PKHD1L1: variants seen among roughly 807,000 people sequenced by gnomAD.
The protein encoded by PKHD1L1 is fibrocystin-L.
In PKHD1L1, 434 loss-of-function variants were observed where a neutral mutation model predicts 462.9. That is an observed-to-expected ratio of 0.94 (90% CI 0.87 to 1.02). The LOEUF (loss-of-function observed/expected upper bound fraction) is 1.02, where lower values mean the gene tolerates loss of function less well. Ranked by LOEUF, PKHD1L1 falls within the 50% of genes least tolerant of loss-of-function variation. The probability of loss-of-function intolerance (pLI) is 0.00; values close to 1 mark genes in which losing one functional copy is unlikely to be tolerated. For synonymous variants in PKHD1L1, 1,781 were observed against 1,750.0 expected, an observed-to-expected ratio of 1.02 and a Z score of -0.44; for missense variants, 5,202 against 5,096.1, an observed-to-expected ratio of 1.02 and a Z score of -0.63.
Position 109,518,212 on chromosome 8 carries a change from A to C in PKHD1L1, c.11735A>C (p.Tyr3912Ser), listed in dbSNP as rs765597606. 2 of 1,609,760 alleles carry C rather than the reference A, an allele frequency of 1.2e-6. No individual in the cohort carries two copies. The highest frequency in any genetic ancestry group is 1.7e-6 in the Non-Finnish European group (2 of 1,176,648). Residue 3912 changes from tyrosine (Y) to serine (S), a missense_variant, in exon 73 of 78, where the codon TAC (tyrosine) becomes TCC (serine). Tyr to Ser is a moderately radical substitution (Grantham distance 144). Transcript: ENST00000378402. ...GATTCCACTGTCCTTGGTGAAAACTACTTTGATGGAACCTACCAGATGCTT... is the reference window on the plus strand; with the variant it reads ...GATTCCACTGTCCTTGGTGAAAACTCCTTTGATGGAACCTACCAGATGCTT... Reference protein sequence around the residue: ...NLDSTVLGENYFDGTYQMLYL... With the variant: ...NLDSTVLGENSFDGTYQMLYL...
At chr8:109,423,887 G>A (rs921235245) in intron 23 of PKHD1L1, among the ~76,000 whole-genome samples, 1 of 152,100 alleles carries the variant, frequency 6.6e-6, no homozygotes, top group African/African-American at 2.4e-5. Flanking sequence ...ATTTATAAAC[G>A]TGTTTCATTT....
intron 76 of PKHD1L1, among the ~76,000 whole-genome samples, chr8:109,524,647 C>A (rs1820723498): frequency 6.6e-6 from 1 of 152,172 alleles, no homozygotes. Context: ...TTTACTGTGG[C>A]AACAAAATAA....
chr8:109,396,092 C>A lies in PKHD1L1; in HGVS notation c.877C>A (p.Arg293Ser), dbSNP rs536145343. The change falls in exon 11 of 78, where the codon CGT (arginine) becomes AGT (serine). Residue 293 changes from arginine to serine, a missense_variant. By Grantham distance (110) the Arg-to-Ser change is moderately radical. Around this residue, in one of 3 missense-constraint regions of PKHD1L1, gnomAD observed 4,497 missense variants for 4,336.8 expected, o/e 1.04. Transcript: ENST00000378402. ...TGGCACCACGCTGACAATAAGTGGGCGTTTCTTTGATCAGACAGATTTCCC... is the reference window on the plus strand; with the variant it reads ...TGGCACCACGCTGACAATAAGTGGGAGTTTCTTTGATCAGACAGATTTCCC... The part of the protein sequence containing the change: ...RGGTTLTISG[R>S]FFDQTDFPVR... The A allele has an allele frequency of 6.2e-6, 10 of 1,608,874 alleles. No individual in the cohort carries two copies. Among genetic ancestry groups the A allele is most frequent in the Admixed American group, 5.0e-5 (3 of 59,550 alleles).
chr8:109,410,722 T>TTTC (rs1813796937), intron 19 of PKHD1L1, among the ~76,000 whole-genome samples: 2 of 70,276 alleles, frequency 2.8e-5, no homozygotes, highest in Admixed American at 2.1e-4. Flanking sequence ...TTTCTTTTCT[T>TTTC]TTTCTTTTTT....
intron 9 of PKHD1L1, among the ~76,000 whole-genome samples, chr8:109,392,055 G>A (rs904293963): frequency 3.3e-5 from 5 of 152,148 alleles, no homozygotes; most frequent in Non-Finnish European, 5.9e-5. Context: ...TAACTTAACA[G>A]TTATTCTCCT....
At position 109,441,358 on chromosome 8, in the gene PKHD1L1, A is replaced by G; in HGVS notation, c.4183A>G (p.Thr1395Ala). ...TTCAACTGGGAATATATTCAGGATT[A>G]CCAACAATGGGAAAGATTCAGGTAT... is the stretch of plus-strand genomic sequence containing the variant. ...LHSTGNIFRI[T>A]NNGKDSVHGL... is the part of the protein sequence containing the mutation. Residue 1395 changes from threonine (T) to alanine (A), a missense_variant, in exon 34 of 78, where the codon ACC (threonine) becomes GCC (alanine). Transcript: ENST00000378402. 1.3e-6 allele frequency: 2 copies of G among 1,565,882 alleles called. No homozygotes were observed. The highest frequency in any genetic ancestry group is 8.7e-7 in the Non-Finnish European group (1 of 1,146,980).
At chr8:109,382,681 C>A (rs1185810110) in intron 4 of PKHD1L1, 110 bp downstream of exon 4, 29 of 653,320 alleles carry the variant, frequency 4.4e-5, no homozygotes, top group Non-Finnish European at 7.0e-5. Flanking sequence ...TTTAAAAATA[C>A]ATTAGCATGT....
intron 46 of PKHD1L1, 100 bp downstream of exon 46, chr8:109,456,491 A>G: frequency 8.5e-7 from 1 of 1,179,428 alleles, no homozygotes; most frequent in East Asian, 2.7e-5. Context: ...TTTGGTTTAA[A>G]CTTGAAATCT....
intron 38 of PKHD1L1, among the ~76,000 whole-genome samples, chr8:109,447,830 A>G (rs1341585344): frequency 6.6e-6 from 1 of 152,034 alleles, no homozygotes; most frequent in Non-Finnish European, 1.5e-5. Context: ...ATACTTCCTA[A>G]CTCTAGACCT....
rs1490939872 is a variant in PKHD1L1 at position 109,531,218 on chromosome 8, C to A, written c.*1128C>A. Among the ~76,000 whole-genome samples the A allele has an allele frequency of 1.3e-5, 2 of 152,170 alleles. No homozygotes were observed. The highest frequency in any genetic ancestry group is 2.9e-5 in the Non-Finnish European group (2 of 68,028). ...TCACCTCAGATCATTGTTAGTCTTA[C>A]TTAGCAGAAAATGTATAAACACTTA... On this transcript the variant is annotated 3_prime_UTR_variant, in exon 78 of 78. Coordinates refer to ENST00000378402, the MANE Select transcript of PKHD1L1 (RefSeq NM_177531.6).
At chr8:109,454,267 C>T in intron 44 of PKHD1L1, 21 bp downstream of exon 44, 2 of 1,523,586 alleles carry the variant, frequency 1.3e-6, no homozygotes, top group South Asian at 2.5e-5. Context: ...GAACATAATA[C>T]ATATTCATTT....
At chr8:109,475,038 C>T (rs1817904086) in intron 50 of PKHD1L1, 80 bp from the exon 51 acceptor site, 1 of 1,354,110 alleles carries the variant, frequency 7.4e-7, no homozygotes, top group Non-Finnish European at 9.9e-7. Flanking sequence ...ACTAAACTAA[C>T]TTTTGCACTT....
intron 10 of PKHD1L1, 26 bp downstream of exon 10, chr8:109,394,511 T>G: frequency 7.0e-7 from 1 of 1,422,624 alleles, no homozygotes; most frequent in Non-Finnish European, 9.5e-7. Context: ...TTCACTCTGT[T>G]GCGGGGGTGG....
intron 12 of PKHD1L1, among the ~76,000 whole-genome samples, chr8:109,399,564 G>GT (rs896979607): frequency 6.6e-5 from 10 of 151,908 alleles, no homozygotes; most frequent in East Asian, 1.9e-4. Flanking sequence ...TAGAAGTAAT[G>GT]TTTTTTTTAA....
intron 50 of PKHD1L1, 147 bp downstream of exon 50, chr8:109,466,916 C>T: frequency 1.3e-6 from 1 of 753,626 alleles, no homozygotes; most frequent in Admixed American, 3.0e-5. Context: ...ACAAATAATA[C>T]TCTCGAAGTA....
intron 71 of PKHD1L1, 89 bp downstream of exon 71, chr8:109,511,023 A>G (rs1819948222): frequency 2.8e-6 from 4 of 1,405,042 alleles, no homozygotes; most frequent in Non-Finnish European, 3.9e-6. Context: ...CCCTGTTCTA[A>G]CATTGTCAGC....
At chr8:109,389,621 A>G (rs1050863860) in intron 8 of PKHD1L1, among the ~76,000 whole-genome samples, 2 of 151,554 alleles carry the variant, frequency 1.3e-5, no homozygotes, top group Non-Finnish European at 2.9e-5. Flanking sequence ...TCTGCCTCCC[A>G]GCTTCAAGTG....
At chr8:109,469,835 A>G (rs1303656048) in intron 50 of PKHD1L1, among the ~76,000 whole-genome samples, 2 of 152,176 alleles carry the variant, frequency 1.3e-5, no homozygotes, top group Non-Finnish European at 2.9e-5. Context: ...AAAATATTTT[A>G]AACAAAATAT....
chr8:109,435,463 A>G (rs973581035), intron 29 of PKHD1L1, 109 bp downstream of exon 29: 22 of 1,196,144 alleles, frequency 1.8e-5, no homozygotes, highest in Middle Eastern at 5.9e-4. Context: ...TTCCTCTTAT[A>G]GAACAAAGGA....
Sources: allele counts gnomAD v4.1 joint callset (sites outside exome capture counted in the v4.1 genomes callset), GRCh38; gene constraint gnomAD v4.1.1; regional missense constraint gnomAD v4.1.1; transcripts MANE v1.5; gene names NCBI Gene and HGNC (gene_info 2026-07-23, HGNC 2026-07-21).